ABCA13: variants seen among roughly 807,000 people sequenced by gnomAD.
ABCA13 encodes the protein ATP-binding cassette sub-family A member 13.
ABCA13 carries 476 observed loss-of-function variants against 478.7 expected under a neutral mutation model. The observed-to-expected ratio is 0.99, with a 90% confidence interval of 0.92 to 1.07. ABCA13 has a LOEUF of 1.07. ABCA13 is among the 50% of genes least tolerant of loss of function. The probability of loss-of-function intolerance (pLI) is 0.00; values close to 1 mark genes in which losing one functional copy is unlikely to be tolerated. For missense variants in ABCA13, 6,060 were observed against 5,910.6 expected, an observed-to-expected ratio of 1.03 and a Z score of -0.83; for synonymous variants, 2,252 against 2,158.9, an observed-to-expected ratio of 1.04 and a Z score of -1.20.
At chr7:48,372,841 A>T (rs1423377156) in intron 33 of ABCA13, among the ~76,000 whole-genome samples, 1 of 152,228 alleles carries the variant, frequency 6.6e-6, no homozygotes, top group African/African-American at 2.4e-5. Flanking sequence ...AGTAAAAAAT[A>T]AGCATTTTTT....
At chr7:48,311,722 G>A (rs1801812038) in intron 24 of ABCA13, among the ~76,000 whole-genome samples, 2 of 152,094 alleles carry the variant, frequency 1.3e-5, no homozygotes, top group African/African-American at 2.4e-5. Flanking sequence ...CTATATGAAG[G>A]GCTCTATGAA....
chr7:48,349,412 T>C (rs1006594177), intron 29 of ABCA13, among the ~76,000 whole-genome samples: 2 of 152,352 alleles, frequency 1.3e-5, no homozygotes, highest in East Asian at 3.9e-4. Flanking sequence ...CCATCTGAAG[T>C]TGGCAGATGG....
intron 1 of ABCA13, among the ~76,000 whole-genome samples, chr7:48,175,276 T>A (rs142766804): frequency 0.21 from 32,535 of 152,030 alleles, 4,154 homozygotes; most frequent in African/African-American, 0.34. Context: ...CACATATTCA[T>A]AGGGTACATA....
intron 48 of ABCA13, among the ~76,000 whole-genome samples, chr7:48,504,822 G>A (rs1297333360): frequency 1.3e-5 from 2 of 152,108 alleles, no homozygotes; most frequent in African/African-American, 4.8e-5. Context: ...GGTTGACATT[G>A]GGCTGCACAT....
chr7:48,367,670 C>A, intron 31 of ABCA13, 124 bp from the exon 32 acceptor site: 1 of 723,744 alleles, frequency 1.4e-6, no homozygotes, highest in Non-Finnish European at 2.4e-6. Context: ...AAGTCACAGG[C>A]ATGTAGAAAT....
chr7:48,392,805 G>C (rs1816259653), intron 38 of ABCA13, among the ~76,000 whole-genome samples: 1 of 152,162 alleles, frequency 6.6e-6, no homozygotes, highest in African/African-American at 2.4e-5. Context: ...GGGCCAGGAA[G>C]GCCTGTATTT....
rs939934358 is a variant in ABCA13, at chr7:48,275,895, C to T, written c.6229C>T (p.His2077Tyr). The T allele has an allele frequency of 6.2e-7, 1 of 1,613,470 alleles. No individual in the cohort carries two copies. The highest frequency in any genetic ancestry group is 1.3e-5 in the African/African-American group (1 of 74,920). ...CCTAACCCAAGATTTTAGAATCAGA[C>T]ACCTGCTTTCTGAAATGAACAAAGG... ...KDLTQDFRIRHLLSEMNKGIK... is the reference protein window; with the variant it reads ...KDLTQDFRIRYLLSEMNKGIK... The change falls in exon 17 of 62, where the codon CAC (histidine) becomes TAC (tyrosine). Residue 2077 changes from histidine to tyrosine, a missense_variant. By Grantham distance (83) the His-to-Tyr change is moderately conservative (BLOSUM62 2). Coordinates refer to ENST00000435803, the MANE Select transcript of ABCA13 (RefSeq NM_152701.5).
At chr7:48,466,932 C>T in intron 43 of ABCA13, 24 bp from the exon 44 acceptor site, 1 of 1,612,590 alleles carries the variant, frequency 6.2e-7, no homozygotes, top group Non-Finnish European at 8.5e-7. Context: ...CACTTTGTTT[C>T]CTTTGTCTCA....
At chr7:48,219,188 C>G (rs923274040) in intron 3 of ABCA13, among the ~76,000 whole-genome samples, 166 bp from the exon 4 acceptor site, 3 of 152,110 alleles carry the variant, frequency 2.0e-5, no homozygotes, top group African/African-American at 7.2e-5. Flanking sequence ...ATAATGATTT[C>G]TCTTTTGGAT....
intron 8 of ABCA13, 69 bp downstream of exon 8, chr7:48,234,220 G>T (rs765199941): frequency 6.2e-7 from 1 of 1,609,912 alleles, no homozygotes; most frequent in Non-Finnish European, 8.5e-7. Flanking sequence ...GCATGCTGCT[G>T]GGGCAGGGTG....
At chr7:48,341,571 T>A (rs1807167257) in intron 29 of ABCA13, among the ~76,000 whole-genome samples, 1 of 151,980 alleles carries the variant, frequency 6.6e-6, no homozygotes, top group Non-Finnish European at 1.5e-5. Flanking sequence ...TACCAATAAT[T>A]TTGCATCTCT....
intron 2 of ABCA13, among the ~76,000 whole-genome samples, chr7:48,196,119 A>G (rs1797895840): frequency 6.6e-6 from 1 of 152,134 alleles, no homozygotes; most frequent in African/African-American, 2.4e-5. Context: ...ATTGTGAATG[A>G]TTTAGTTGTA....
chr7:48,219,442 CATGGA>C lies in ABCA13; in HGVS notation c.380_384del (p.Gly127AspfsTer33). The C allele has an allele frequency of 6.2e-7, 1 of 1,613,326 alleles. No individual in the cohort carries two copies. Among genetic ancestry groups the C allele is most frequent in the Non-Finnish European group, 8.5e-7 (1 of 1,179,668 alleles). ...GATACAAGACCTGGCAGAGGAAATT[CATGGA>C]ATGATGGACAAGGCAAAAAACTTAA... is the stretch of plus-strand genomic sequence containing the variant. On this transcript the variant is annotated frameshift_variant, in exon 4 of 62. Coordinates refer to ENST00000435803, the MANE Select transcript of ABCA13 (RefSeq NM_152701.5). LOFTEE classifies it high-confidence loss of function.
At chr7:48,442,597 T>C (rs1823774573) in intron 42 of ABCA13, among the ~76,000 whole-genome samples, 1 of 152,266 alleles carries the variant, frequency 6.6e-6, no homozygotes, top group African/African-American at 2.4e-5. Flanking sequence ...ATGTTTAGAA[T>C]ATACATAAAT....
chr7:48,309,955 C>T lies in ABCA13; in HGVS notation c.9330C>T (p.Phe3110=). The change falls in exon 24 of 62, where the codon TTC becomes TTT. Residue 3110 remains phenylalanine (F), a synonymous_variant. Transcript: ENST00000435803. ...EANISHSKVL[F]SALTVALSGK... ...TCTGTGCTTTGAAACAGGTTCTCTT[C>T]AGTGCCCTCACCGTAGCTCTGTCTG... 2.5e-6 allele frequency: 4 copies of T among 1,613,894 alleles called. No individual in the cohort carries two copies. The highest frequency in any genetic ancestry group is 3.4e-6 in the Non-Finnish European group (4 of 1,179,792).
chr7:48,348,826 T>C (rs2128976480), intron 29 of ABCA13, among the ~76,000 whole-genome samples: 1 of 152,344 alleles, frequency 6.6e-6, no homozygotes, highest in Non-Finnish European at 1.5e-5. Context: ...CTTTGAATTC[T>C]GGATCATGTA....
At chr7:48,387,705 C>A in intron 35 of ABCA13, 117 bp from the exon 36 acceptor site, 1 of 893,976 alleles carries the variant, frequency 1.1e-6, no homozygotes, top group Non-Finnish European at 1.6e-6. Context: ...GTATATGGGA[C>A]ATATATTAAA....
chr7:48,494,134 T>C (rs1051059735), intron 48 of ABCA13, among the ~76,000 whole-genome samples: 4 of 152,190 alleles, frequency 2.6e-5, no homozygotes, highest in Non-Finnish European at 5.9e-5. Flanking sequence ...AACTCATTAG[T>C]ATGCTGCAAA....
At chr7:48,256,926 C>T (rs1408428207) in intron 15 of ABCA13, among the ~76,000 whole-genome samples, 2 of 152,008 alleles carry the variant, frequency 1.3e-5, no homozygotes, top group Admixed American at 6.6e-5. Flanking sequence ...AATATTGATT[C>T]TTCTTATCCA....
Sources: allele counts gnomAD v4.1 joint callset (sites outside exome capture counted in the v4.1 genomes callset), GRCh38; gene constraint gnomAD v4.1.1; transcripts MANE v1.5; gene names NCBI Gene and HGNC (gene_info 2026-07-23, HGNC 2026-07-21).